The following PRKCB variants were observed in gnomAD, a reference collection of about 807,000 sequenced individuals.
PRKCB encodes the protein protein kinase C beta type.
In PRKCB, 13 loss-of-function variants were observed where a neutral mutation model predicts 81.5. The ratio of observed to expected loss-of-function variants is 0.16; its 90% CI spans 0.10 to 0.25. The LOEUF (loss-of-function observed/expected upper bound fraction) is 0.25, where lower values mean the gene tolerates loss of function less well. PRKCB is among the 10% of genes least tolerant of loss of function. PRKCB has a pLI of 1.00. For synonymous variants in PRKCB, 335 were observed against 321.4 expected (o/e 1.04, Z -0.45); for missense variants, 509 against 875.7 (o/e 0.58, Z 5.29).
At chr16:24,040,333 A>G (rs1347515569) in intron 5 of PRKCB, among the ~76,000 whole-genome samples, 1 of 152,124 alleles carries the variant, frequency 6.6e-6, no homozygotes, top group South Asian at 2.1e-4. Context: ...GCCACACACC[A>G]TAAGACATCT....
chr16:24,145,840 G>C (rs1483631538), intron 9 of PRKCB, among the ~76,000 whole-genome samples: 1 of 152,240 alleles, frequency 6.6e-6, no homozygotes. Context: ...GTGAAAAGAT[G>C]ATGTTGACGA....
chr16:24,193,201 G>C (rs1003969365), intron 16 of PRKCB, among the ~76,000 whole-genome samples: 4 of 151,836 alleles, frequency 2.6e-5, no homozygotes, highest in African/African-American at 9.7e-5. Context: ...TCAGCACTTT[G>C]GGAAGCCGAG....
intron 5 of PRKCB, among the ~76,000 whole-genome samples, chr16:24,036,976 C>A (rs571750833): frequency 1.3e-5 from 2 of 152,330 alleles, no homozygotes; most frequent in Admixed American, 6.5e-5. Flanking sequence ...TCCACCTTCA[C>A]AACATTGTGA....
intron 3 of PRKCB, among the ~76,000 whole-genome samples, chr16:24,013,147 C>A (rs901874050): frequency 6.6e-6 from 1 of 152,160 alleles, no homozygotes; most frequent in African/African-American, 2.4e-5. Context: ...TCAGGGAAGC[C>A]CTTCCTGACC....
chr16:23,854,604 G>T (rs1271066578), intron 2 of PRKCB, among the ~76,000 whole-genome samples: 1 of 152,176 alleles, frequency 6.6e-6, no homozygotes, highest in Non-Finnish European at 1.5e-5. Flanking sequence ...GCATGAGCAA[G>T]GGCTGCAGGG....
intron 16 of PRKCB, among the ~76,000 whole-genome samples, chr16:24,203,774 G>A (rs980669401): frequency 2.6e-5 from 4 of 152,334 alleles, no homozygotes. Flanking sequence ...ACAGCACAGA[G>A]ATGGTGTGTT....
intron 2 of PRKCB, among the ~76,000 whole-genome samples, chr16:23,839,240 G>A (rs1962223555): frequency 6.7e-6 from 1 of 149,956 alleles, no homozygotes; most frequent in South Asian, 2.1e-4. Flanking sequence ...CAGAATTAAA[G>A]TTTGTAATGA....
intron 16 of PRKCB, among the ~76,000 whole-genome samples, chr16:24,192,802 A>T (rs1443097956): frequency 6.6e-6 from 1 of 151,818 alleles, no homozygotes; most frequent in East Asian, 1.9e-4. Context: ...TGAATCAGAC[A>T]CTCTAGGTGT....
intron 9 of PRKCB, among the ~76,000 whole-genome samples, chr16:24,151,213 C>A (rs1182685370): frequency 6.6e-6 from 1 of 152,180 alleles, no homozygotes; most frequent in African/African-American, 2.4e-5. Flanking sequence ...CTTTCTAATA[C>A]AATTTTTTCC....
intron 9 of PRKCB, chr16:24,151,704 C>T: frequency 4.6e-6 from 2 of 430,530 alleles, no homozygotes; most frequent in Non-Finnish European, 9.4e-6. Context: ...AAAGAAAGAA[C>T]AGGATGTGGT....
At chr16:24,017,865 G>A (rs1162954604) in intron 3 of PRKCB, among the ~76,000 whole-genome samples, 2 of 150,442 alleles carry the variant, frequency 1.3e-5, no homozygotes, top group Non-Finnish European at 3.0e-5. Context: ...AAGTAGCTGG[G>A]ACTATAGGCA....
At chr16:23,989,176 A>G (rs747506416) in intron 3 of PRKCB, among the ~76,000 whole-genome samples, 2 of 152,174 alleles carry the variant, frequency 1.3e-5, no homozygotes, top group Non-Finnish European at 2.9e-5. Context: ...CGTGTTAGAC[A>G]GGATGGTCTC....
chr16:24,034,555 C>T (rs1965589290), intron 4 of PRKCB, among the ~76,000 whole-genome samples: 1 of 152,240 alleles, frequency 6.6e-6, no homozygotes, highest in African/African-American at 2.4e-5. Context: ...TGAGAGATGG[C>T]CGAAGGCCAA....
intron 2 of PRKCB, among the ~76,000 whole-genome samples, chr16:23,944,871 C>T (rs1293628020): frequency 6.6e-6 from 1 of 152,188 alleles, no homozygotes; most frequent in Non-Finnish European, 1.5e-5. Context: ...TTTTAGGGAA[C>T]ATTTGATTGG....
intron 9 of PRKCB, among the ~76,000 whole-genome samples, chr16:24,124,765 T>A (rs578135410): frequency 4.2e-4 from 64 of 152,256 alleles, no homozygotes; most frequent in African/African-American, 1.5e-3. Context: ...GTGCAAAAAA[T>A]ATAAATTTCT....
intron 2 of PRKCB, among the ~76,000 whole-genome samples, chr16:23,934,370 TC>T (rs1964029420): frequency 6.6e-6 from 1 of 151,574 alleles, no homozygotes; most frequent in African/African-American, 2.4e-5. Flanking sequence ...CTTATTTTAT[TC>T]CCTGGAGCTT....
At chr16:24,148,780 A>T (rs2141949558) in intron 9 of PRKCB, among the ~76,000 whole-genome samples, 1 of 152,272 alleles carries the variant, frequency 6.6e-6, no homozygotes, top group East Asian at 1.9e-4. Flanking sequence ...GCTACTGCTT[A>T]TTTTTGTAAA....
intron 4 of PRKCB, 72 bp downstream of exon 4, chr16:24,032,319 T>G: frequency 8.8e-7 from 1 of 1,138,064 alleles, no homozygotes; most frequent in South Asian, 1.3e-5. Flanking sequence ...CCACTTGGTT[T>G]GGGGTCCAGG....
At chr16:24,072,588 C>CTTTTTTTTTT (rs1200526403) in intron 5 of PRKCB, among the ~76,000 whole-genome samples, 1,843 of 143,802 alleles carry the variant, frequency 0.013, 48 homozygotes, top group African/African-American at 0.044. Context: ...CTCTCTCTCT[C>CTTTTTTTTTT]TTTTTTTTTT....
Sources: allele counts gnomAD v4.1 joint callset (sites outside exome capture counted in the v4.1 genomes callset), GRCh38; gene constraint gnomAD v4.1.1; transcripts MANE v1.5; gene names NCBI Gene and HGNC (gene_info 2026-07-23, HGNC 2026-07-21).